Variants in AGAP1 observed in about 807,000 individuals in gnomAD.
AGAP1 encodes ArfGAP with GTPase domain, ankyrin repeat and PH domain 1, also known as arf-GAP with GTPase, ANK repeat and PH domain-containing protein 1.
In AGAP1, 29 loss-of-function variants were observed where a neutral mutation model predicts 105.3. The ratio of observed to expected loss-of-function variants is 0.28; its 90% CI spans 0.21 to 0.38. The LOEUF (loss-of-function observed/expected upper bound fraction) is 0.38, where lower values mean the gene tolerates loss of function less well. Among genes scored for constraint, AGAP1 ranks in the 10% least tolerant of loss-of-function variants. The pLI, the probability that AGAP1 is intolerant of heterozygous loss-of-function variation, is 1.00. For missense variants in AGAP1, 998 were observed against 1,165.1 expected, an observed-to-expected ratio of 0.86 and a Z score of 2.09; for synonymous variants, 509 against 485.9, an observed-to-expected ratio of 1.05 and a Z score of -0.63.
At chr2:235,942,011 C>T (rs1336024475) in intron 12 of AGAP1, among the ~76,000 whole-genome samples, 1 of 152,166 alleles carries the variant, frequency 6.6e-6, no homozygotes, top group Admixed American at 6.5e-5. Context: ...CAGCTCTCTC[C>T]CATCCTCCCT....
chr2:235,606,172 A>G (rs545611226), intron 1 of AGAP1, among the ~76,000 whole-genome samples: 1 of 152,336 alleles, frequency 6.6e-6, no homozygotes, highest in South Asian at 2.1e-4. Context: ...TGCTCTGGCC[A>G]GTGGCTTGCG....
At chr2:235,515,819 C>T (rs1330123183) in intron 1 of AGAP1, among the ~76,000 whole-genome samples, 12 of 152,042 alleles carry the variant, frequency 7.9e-5, no homozygotes, top group Non-Finnish European at 1.3e-4. Flanking sequence ...AAATTAAACA[C>T]GCACAGAGCT....
chr2:235,585,138 A>G (rs897805213), intron 1 of AGAP1, among the ~76,000 whole-genome samples: 1 of 151,978 alleles, frequency 6.6e-6, no homozygotes, highest in African/African-American at 2.4e-5. Flanking sequence ...TGTTGTAACA[A>G]ATTACCACAC....
intron 1 of AGAP1, among the ~76,000 whole-genome samples, chr2:235,585,267 G>A (rs934780691): frequency 6.6e-6 from 1 of 152,160 alleles, no homozygotes; most frequent in Non-Finnish European, 1.5e-5. Flanking sequence ...GGGTAGACTC[G>A]ATTTCCTTGC....
In AGAP1 at chr2:235,719,441, C is replaced by A. The variant is rs1352854800; in HGVS notation, c.310+1797C>A. ...ATTGACCCTTACATGTTGACTCACA[C>A]CAAAGCATTTCTCTTGAACGTTTAT... On this transcript the variant is annotated intron_variant, in intron 3 of 17. Transcript: ENST00000304032. The surrounding 1 kb of genome is among the most constrained non-coding windows in gnomAD (Gnocchi z 4.9). Among the ~76,000 whole-genome samples the A allele has an allele frequency of 6.6e-6, 1 of 152,158 alleles. No individual in the cohort carries two copies. The highest frequency in any genetic ancestry group is 2.4e-5 in the African/African-American group (1 of 41,434).
In AGAP1 at chr2:235,962,091, A is replaced by C. The variant is rs1361772791; in HGVS notation, c.1484-6371A>C. ...TGTTTTGTTTTGTTTTGTTTCAGTG[A>C]AGTGAAAAGTGAGGTCATCGTGAGG... On this transcript the variant is annotated intron_variant, in intron 12 of 17. Transcript: ENST00000304032. The surrounding 1 kb of genome is among the most constrained non-coding windows in gnomAD (Gnocchi z 5.3). 6.7e-6 allele frequency among the ~76,000 whole-genome samples: 1 copy of C among 148,378 alleles called. No individual in the cohort carries two copies. Among genetic ancestry groups the C allele is most frequent in the Non-Finnish European group, 1.5e-5 (1 of 67,260 alleles).
intron 6 of AGAP1, among the ~76,000 whole-genome samples, chr2:235,770,838 G>A (rs540880821): frequency 4.9e-4 from 75 of 152,152 alleles, no homozygotes; most frequent in African/African-American, 1.3e-3. Flanking sequence ...GGAAGATGGG[G>A]TCCCAAAAGA....
At position 235,793,992 on chromosome 2, in the gene AGAP1, T is replaced by A. The variant is rs543048858; in HGVS notation, c.674-3767T>A. ...GAATGGAAACATACATGAAAGTGTATTTGGGCTTAAAAAGTTGTCACAAAA... is the reference window on the plus strand; with the variant it reads ...GAATGGAAACATACATGAAAGTGTAATTGGGCTTAAAAAGTTGTCACAAAA... On this transcript the variant is annotated intron_variant, in intron 6 of 17. Coordinates refer to ENST00000304032, the MANE Select transcript of AGAP1 (RefSeq NM_001037131.3). The surrounding 1 kb of genome is among the most constrained non-coding windows in gnomAD (Gnocchi z 5.3). 5.3e-5 allele frequency among the ~76,000 whole-genome samples: 8 copies of A among 152,302 alleles called. No homozygotes were observed. The highest frequency in any genetic ancestry group is 1.2e-4 in the Non-Finnish European group (8 of 68,026).
At position 236,114,355 on chromosome 2, in the gene AGAP1, C is replaced by T. The variant is rs1351144761; in HGVS notation, c.2115-5837C>T. The stretch of plus-strand genomic sequence containing the variant: ...GGCAAATGCCTCTAGACGGAATAGT[C>T]TCATCGAGAAGAAGCCATTGTCAGC... On this transcript the variant is annotated intron_variant, in intron 16 of 17. Transcript: ENST00000304032. The surrounding 1 kb of genome is among the most constrained non-coding windows in gnomAD (Gnocchi z 5.0). Among the ~76,000 whole-genome samples, 1 of 152,220 alleles carries T rather than the reference C, an allele frequency of 6.6e-6. No individual in the cohort carries two copies. The highest frequency in any genetic ancestry group is 1.5e-5 in the Non-Finnish European group (1 of 68,042).
intron 16 of AGAP1, among the ~76,000 whole-genome samples, chr2:236,106,794 G>T (rs2059507854): frequency 6.6e-6 from 1 of 152,156 alleles, no homozygotes. Context: ...ACCAGGCAAG[G>T]TCTGGCTTCC....
At chr2:235,868,710 GTGT>G (rs2049300596) in intron 9 of AGAP1, among the ~76,000 whole-genome samples, 1 of 152,216 alleles carries the variant, frequency 6.6e-6, no homozygotes, top group Non-Finnish European at 1.5e-5. Context: ...TTTATGAGTG[GTGT>G]TTTATCACAG....
At chr2:235,619,764 G>A (rs947832654) in intron 1 of AGAP1, among the ~76,000 whole-genome samples, 2 of 152,206 alleles carry the variant, frequency 1.3e-5, no homozygotes, top group Admixed American at 1.3e-4. Context: ...TTCGGCGCCC[G>A]AATTGCTGCA....
chr2:235,722,891 T>TA (rs113264356), intron 3 of AGAP1, among the ~76,000 whole-genome samples: 29,264 of 144,216 alleles, frequency 0.2, 3,620 homozygotes, highest in East Asian at 0.38. Context: ...GCAAATGAGC[T>TA]AAAAAAAAAA....
At chr2:235,587,116 G>T (rs556698341) in intron 1 of AGAP1, among the ~76,000 whole-genome samples, 1 of 152,280 alleles carries the variant, frequency 6.6e-6, no homozygotes, top group South Asian at 2.1e-4. Flanking sequence ...TATGGAGAAG[G>T]TATTACCCAA....
chr2:235,857,503 G>A (rs886497411), intron 9 of AGAP1, among the ~76,000 whole-genome samples: 2 of 152,310 alleles, frequency 1.3e-5, no homozygotes, highest in South Asian at 2.1e-4. Flanking sequence ...TGCTCACAGT[G>A]TGTGTGCATG....
Position 236,002,783 on chromosome 2 carries a change from A to G in AGAP1, c.1646-33778A>G, listed in dbSNP as rs1333200502. Among the ~76,000 whole-genome samples the G allele has an allele frequency of 6.6e-6, 1 of 152,180 alleles. No homozygotes were observed. Among genetic ancestry groups the G allele is most frequent in the Non-Finnish European group, 1.5e-5 (1 of 68,038 alleles). On this transcript the variant is annotated intron_variant, in intron 13 of 17. Coordinates refer to ENST00000304032, the MANE Select transcript of AGAP1 (RefSeq NM_001037131.3). This position sits in a 1 kb window ranked among gnomAD's most constrained non-coding sequence, Gnocchi z 4.3. The stretch of plus-strand genomic sequence containing the variant: ...AGTTTCAGAAGTCCAATTCATTATT[A>G]GATTTCTATAAATATAAATATTTAT...
At chr2:235,591,724 G>A (rs967791304) in intron 1 of AGAP1, among the ~76,000 whole-genome samples, 4 of 152,172 alleles carry the variant, frequency 2.6e-5, no homozygotes, top group African/African-American at 9.6e-5. Flanking sequence ...TCCCCTTGGC[G>A]ATGAGTGAAT....
At chr2:236,063,886 A>T (rs1373167820) in intron 16 of AGAP1, among the ~76,000 whole-genome samples, 1 of 152,248 alleles carries the variant, frequency 6.6e-6, no homozygotes, top group African/African-American at 2.4e-5. Flanking sequence ...GATGAACATT[A>T]TCTGGAGCAC....
Position 235,965,253 on chromosome 2 carries a change from G to A in AGAP1, c.1484-3209G>A, listed in dbSNP as rs912284993. On this transcript the variant is annotated intron_variant, in intron 12 of 17. Coordinates refer to ENST00000304032, the MANE Select transcript of AGAP1 (RefSeq NM_001037131.3). The surrounding 1 kb of genome is among the most constrained non-coding windows in gnomAD (Gnocchi z 5.8). Reference sequence around the variant, plus strand: ...GCCGGCTGCCGGGAAGAGAGGGTCAGGTAGAGCCAAGCCTGGAACTGGTGT... The same window carrying A: ...GCCGGCTGCCGGGAAGAGAGGGTCAAGTAGAGCCAAGCCTGGAACTGGTGT... Among the ~76,000 whole-genome samples, 1 of 152,202 alleles carries A rather than the reference G, an allele frequency of 6.6e-6. No homozygotes were observed. The highest frequency in any genetic ancestry group is 1.5e-5 in the Non-Finnish European group (1 of 68,030).
Sources: allele counts gnomAD v4.1 joint callset (sites outside exome capture counted in the v4.1 genomes callset), GRCh38; gene constraint gnomAD v4.1.1; non-coding constraint Gnocchi (gnomAD v3.1); transcripts MANE v1.5; gene names NCBI Gene and HGNC (gene_info 2026-07-23, HGNC 2026-07-21).